The following POLA2 variants were observed in gnomAD, a reference collection of about 807,000 sequenced individuals.
The protein encoded by POLA2 is DNA polymerase alpha subunit B.
Under a neutral mutation model 82.8 loss-of-function variants are expected in POLA2, and 47 were observed. The ratio of observed to expected loss-of-function variants is 0.57; its 90% CI spans 0.45 to 0.72. POLA2 has a LOEUF of 0.72. Ranked by LOEUF, POLA2 falls within the 30% of genes least tolerant of loss-of-function variation. POLA2 has a pLI of 0.00. For synonymous variants in POLA2, 287 were observed against 286.8 expected (o/e 1.00, Z -0.01); for missense variants, 634 against 728.1 (o/e 0.87, Z 1.49).
chr11:65,277,377 C>G (rs1002315352), intron 5 of POLA2, among the ~76,000 whole-genome samples: 2 of 152,004 alleles, frequency 1.3e-5, no homozygotes, highest in Admixed American at 1.3e-4. Flanking sequence ...GGGGTTTTAC[C>G]ATGTTGCTCA....
intron 14 of POLA2, 128 bp downstream of exon 14, chr11:65,294,389 C>T (rs1015109402): frequency 6.0e-6 from 6 of 1,002,370 alleles, no homozygotes; most frequent in Non-Finnish European, 9.3e-6. Flanking sequence ...TCTTAAACTC[C>T]TTTTTTTAAA....
chr11:65,268,251 G>A (rs1022031004), intron 3 of POLA2, among the ~76,000 whole-genome samples: 1 of 151,930 alleles, frequency 6.6e-6, no homozygotes, highest in Admixed American at 6.6e-5. Context: ...CCTGGACGAC[G>A]AGGAAACCCC....
At chr11:65,282,989 T>G (rs1949657169) in intron 10 of POLA2, among the ~76,000 whole-genome samples, 1 of 152,028 alleles carries the variant, frequency 6.6e-6, no homozygotes, top group Non-Finnish European at 1.5e-5. Flanking sequence ...AAATATTAGC[T>G]GGGCTTGTGG....
chr11:65,277,533 G>A (rs1490989573), intron 5 of POLA2, among the ~76,000 whole-genome samples: 1 of 152,228 alleles, frequency 6.6e-6, no homozygotes, highest in Non-Finnish European at 1.5e-5. Context: ...CTGCTTTGGG[G>A]AGTTCTCAGG....
chr11:65,304,202 TC>T (rs1409464936), intron 8 of POLA2, among the ~76,000 whole-genome samples: 2 of 145,522 alleles, frequency 1.4e-5, no homozygotes, highest in African/African-American at 2.8e-5. Flanking sequence ...CATCCATTCT[TC>T]CATCCATCCG....
intron 1 of POLA2, 42 bp downstream of exon 1, chr11:65,262,413 C>A: frequency 6.5e-7 from 1 of 1,540,278 alleles, no homozygotes; most frequent in Non-Finnish European, 8.9e-7. Context: ...GTGCTCCACG[C>A]TCTCGCCCGA....
rs74971950 is a variant in POLA2, at chr11:65,264,627, C to T, written c.80-1955C>T. Among the ~76,000 whole-genome samples the T allele has an allele frequency of 6.7e-3, 1,016 of 152,298 alleles. 12 individuals are homozygous for T. Among genetic ancestry groups the T allele is most frequent in the African/African-American group, 0.024 (979 of 41,564 alleles). ...AAAATGTAGAAGCATTAGAAAACTT[C>T]GATCAGCTACCACCATTATGTCTCA... On this transcript the variant is annotated intron_variant, in intron 1 of 17. Transcript: ENST00000265465.
chr11:65,269,059 T>C (rs1949493440), intron 4 of POLA2, among the ~76,000 whole-genome samples: 1 of 152,180 alleles, frequency 6.6e-6, no homozygotes, highest in Non-Finnish European at 1.5e-5. Flanking sequence ...AAAGGTCAAG[T>C]AGGGTAGTGG....
At chr11:65,294,707 C>A in intron 15 of POLA2, 55 bp downstream of exon 15, 2 of 1,218,166 alleles carry the variant, frequency 1.6e-6, no homozygotes, top group South Asian at 1.3e-5. Context: ...GGTCCCAGCC[C>A]TTTCTGCAGC....
In POLA2 at chr11:65,295,851, T is replaced by C. The variant is rs41541012; in HGVS notation, c.1521-13T>C. 7.2e-3 allele frequency: 11,552 copies of C among 1,603,144 alleles called. 56 individuals carry two copies. Among genetic ancestry groups the C allele is most frequent in the Middle Eastern group, 0.011 (64 of 6,032 alleles). On this transcript the variant is annotated splice_polypyrimidine_tract_variant and intron_variant, in intron 16 of 17. Coordinates refer to ENST00000265465, the MANE Select transcript of POLA2 (RefSeq NM_002689.4). ...GGTCAGCTAGTGCTGACAATTTCTC[T>C]CTGTCTCTGTAGCTACTACCCACTC...
chr11:65,271,751 ATC>A (rs1949523267), intron 4 of POLA2, among the ~76,000 whole-genome samples: 1 of 151,600 alleles, frequency 6.6e-6, no homozygotes, highest in South Asian at 2.1e-4. Flanking sequence ...AGGCAGGAGA[ATC>A]GCTTGAACCC....
At chr11:65,288,847 A>C (rs1411339027) in intron 11 of POLA2, among the ~76,000 whole-genome samples, 1 of 152,148 alleles carries the variant, frequency 6.6e-6, no homozygotes, top group Non-Finnish European at 1.5e-5. Context: ...GCCTCCCTCC[A>C]TCTGGGGCAA....
chr11:65,263,220 CTTTTTTTTT>C (rs547474910), intron 1 of POLA2, among the ~76,000 whole-genome samples: 150 of 123,202 alleles, frequency 1.2e-3, no homozygotes, highest in African/African-American at 4.6e-3. Context: ...CTCTCTCTCT[CTTTTTTTTT>C]TTTTTTTTTT....
intron 8 of POLA2, 48 bp from the exon 9 acceptor site, chr11:65,281,622 C>A: frequency 7.7e-7 from 1 of 1,291,742 alleles, no homozygotes; most frequent in Non-Finnish European, 1.1e-6. Flanking sequence ...TATTCCAGAC[C>A]TCATTGATCT....
intron 1 of POLA2, chr11:65,266,373 G>C: frequency 1.8e-6 from 1 of 543,208 alleles, no homozygotes; most frequent in Non-Finnish European, 3.3e-6. Context: ...TGGTCCCCCT[G>C]ATTCTGCCCT....
In POLA2 at chr11:65,281,621, C is replaced by T. The variant is rs368171757; in HGVS notation, c.901-49C>T. ...CTGCCTCAAAATAATGTATTCCAGA[C>T]CTCATTGATCTCCACTGCTTAGCAA... On this transcript the variant is annotated intron_variant, in intron 8 of 17. Transcript: ENST00000265465. The T allele has an allele frequency of 7.9e-6, 10 of 1,272,076 alleles. No individual in the cohort carries two copies. In the African/African-American group the frequency reaches 1.5e-4, roughly 19 times the overall value. 78.8% of individuals were successfully genotyped at this position (1,272,076 alleles called of 1,614,324 possible).
downstream of POLA2, among the ~76,000 whole-genome samples, chr11:65,302,085 A>G (rs943743470): frequency 2.6e-5 from 4 of 152,104 alleles, no homozygotes; most frequent in African/African-American, 7.2e-5. Context: ...GGGAGGTCTC[A>G]GGGACAGCTG....
intron 4 of POLA2, among the ~76,000 whole-genome samples, chr11:65,270,882 G>A (rs1307178577): frequency 6.6e-6 from 1 of 152,106 alleles, no homozygotes; most frequent in Admixed American, 6.6e-5. Flanking sequence ...CTGGCTTTTC[G>A]TCTTTCCTCC....
chr11:65,289,010 C>A lies in POLA2; in HGVS notation c.1132-40C>A, dbSNP rs113149405. Reference sequence around the variant, plus strand: ...AAGTCATTCACAGACACAAGTGATTCTGATTTGTTCTTTTGGTGTCTTTGT... The same window carrying A: ...AAGTCATTCACAGACACAAGTGATTATGATTTGTTCTTTTGGTGTCTTTGT... On this transcript the variant is annotated intron_variant, in intron 11 of 17. Coordinates refer to ENST00000265465, the MANE Select transcript of POLA2 (RefSeq NM_002689.4). The A allele has an allele frequency of 3.1e-6, 5 of 1,594,338 alleles. No individual in the cohort carries two copies. The South Asian group carries it at 5.6e-5, about 18-fold the overall frequency.
Sources: gnomAD v4.1 joint callset for allele counts (sites outside exome capture counted in the v4.1 genomes callset) on GRCh38, gnomAD v4.1.1 for gene constraint, MANE v1.5 for transcripts, NCBI Gene and HGNC (gene_info 2026-07-23, HGNC 2026-07-21) for gene names.